The following PCDHA3 variants were observed in gnomAD, a reference collection of about 807,000 sequenced individuals.
The protein encoded by PCDHA3 is protocadherin alpha-3.
Under a neutral mutation model 62.2 loss-of-function variants are expected in PCDHA3, and 41 were observed. The ratio of observed to expected loss-of-function variants is 0.66; its 90% CI spans 0.51 to 0.86. The LOEUF (loss-of-function observed/expected upper bound fraction) is 0.86, where lower values mean the gene tolerates loss of function less well. Among genes scored for constraint, PCDHA3 ranks in the 40% least tolerant of loss-of-function variants. The pLI is 0.00. For missense variants in PCDHA3, 1,304 were observed against 1,241.2 expected (o/e 1.05, Z -0.76); for synonymous variants, 640 against 555.4 (o/e 1.15, Z -2.14).
intron 1 of PCDHA3, chr5:140,848,587 T>C (rs2150413508): frequency 6.3e-7 from 1 of 1,594,838 alleles, no homozygotes; most frequent in Non-Finnish European, 8.6e-7. Flanking sequence ...AGCGGCCAGC[T>C]CCACTACTCC....
intron 3 of PCDHA3, among the ~76,000 whole-genome samples, chr5:140,986,365 C>T (rs530102099): frequency 2.0e-5 from 3 of 152,194 alleles, no homozygotes; most frequent in Non-Finnish European, 2.9e-5. Flanking sequence ...TGGAGGAATG[C>T]GTTTTGGGGG....
chr5:141,009,584 A>G, intron 3 of PCDHA3, 43 bp from the exon 4 acceptor site: 1 of 1,592,004 alleles, frequency 6.3e-7, no homozygotes, highest in Non-Finnish European at 8.6e-7. Context: ...CATCAAGAGC[A>G]TGTGTTGACC....
intron 1 of PCDHA3, among the ~76,000 whole-genome samples, chr5:140,871,921 A>G (rs1267841761): frequency 6.6e-6 from 1 of 152,296 alleles, no homozygotes; most frequent in African/African-American, 2.4e-5. Flanking sequence ...ATATTTCCAC[A>G]TTGTTAGATC....
intron 1 of PCDHA3, among the ~76,000 whole-genome samples, chr5:140,910,365 A>G (rs1554194228): frequency 6.6e-6 from 1 of 152,164 alleles, no homozygotes; most frequent in Non-Finnish European, 1.5e-5. Flanking sequence ...TATGGTAGCT[A>G]TGCCCACCTT....
At chr5:140,863,157 C>A (rs782159779) in intron 1 of PCDHA3, 7 of 638,840 alleles carry the variant, frequency 1.1e-5, no homozygotes, top group South Asian at 5.4e-5. Flanking sequence ...AGGACCACTG[C>A]GAGCTGGCGC....
At chr5:140,993,023 G>C (rs2097537603) in intron 3 of PCDHA3, among the ~76,000 whole-genome samples, 1 of 152,146 alleles carries the variant, frequency 6.6e-6, no homozygotes. Flanking sequence ...AGCATCCCCT[G>C]TGGGCTCCGT....
At chr5:140,843,797 TC>T (rs2150366805) in intron 1 of PCDHA3, 1 of 1,359,254 alleles carries the variant, frequency 7.4e-7, no homozygotes, top group South Asian at 1.4e-5. Flanking sequence ...ATTTAGTTTT[TC>T]ACCGTATTTT....
At chr5:140,823,016 G>A (rs2150121334) in intron 1 of PCDHA3, 8 of 1,614,216 alleles carry the variant, frequency 5.0e-6, no homozygotes, top group East Asian at 2.2e-5. Context: ...GCCCTGGACC[G>A]CGAGAGCGTG....
At chr5:140,930,711 C>G (rs10214249) in intron 1 of PCDHA3, among the ~76,000 whole-genome samples, 2,020 of 152,280 alleles carry the variant, frequency 0.013, 38 homozygotes, top group African/African-American at 0.046. Flanking sequence ...TATTCTTCCT[C>G]AAGTAATGAT....
chr5:140,843,339 G>A (rs2150357830), intron 1 of PCDHA3: 2 of 1,596,042 alleles, frequency 1.3e-6, no homozygotes, highest in Admixed American at 1.7e-5. Flanking sequence ...GTGGAGAGCG[G>A]CCAGGCTCCA....
intron 1 of PCDHA3, chr5:140,876,955 G>T (rs782751017): frequency 1.3e-5 from 21 of 1,613,390 alleles, no homozygotes; most frequent in Non-Finnish European, 1.7e-5. Context: ...CTACTCGCTG[G>T]TGGAGCGGCG....
Position 140,850,172 on chromosome 5 carries a change from C to T in PCDHA3, c.2394+46581C>T, listed in dbSNP as rs2150470572. The T allele has an allele frequency of 5.0e-6, 8 of 1,594,262 alleles. 1 individual carries two copies. In the Admixed American group the frequency reaches 6.7e-5, roughly 13 times the overall value. On this transcript the variant is annotated intron_variant, in intron 1 of 3. Coordinates refer to ENST00000522353, the MANE Select transcript of PCDHA3 (RefSeq NM_018906.3). The stretch of plus-strand genomic sequence containing the variant: ...TGCAGGTGTTCGTGCTGGACGAGAA[C>T]GACAATGCGCCGGCGCTGCTGACAC...
chr5:141,009,720 C>G lies in PCDHA3; in HGVS notation c.2636C>G (p.Ser879Cys), dbSNP rs782119637. ...FKYGPGNPKQ[S>C]GPGELPDKFI... ...TACGGACCAGGCAACCCCAAACAAT[C>G]CGGTCCCGGTGAGTTGCCCGACAAA... The change falls in exon 4 of 4, where the codon TCC (serine) becomes TGC (cysteine). Residue 879 changes from serine to cysteine, a missense_variant. Transcript: ENST00000522353. 1 of 1,614,180 alleles carries G rather than the reference C, an allele frequency of 6.2e-7. No individual in the cohort carries two copies. The highest frequency in any genetic ancestry group is 2.2e-5 in the East Asian group (1 of 44,872).
chr5:140,883,508 G>C (rs939760233), intron 1 of PCDHA3: 19 of 1,614,202 alleles, frequency 1.2e-5, no homozygotes, highest in Non-Finnish European at 1.5e-5. Flanking sequence ...CAGCGCCCTG[G>C]ACCGCGAGAG....
chr5:140,999,015 C>G (rs2097843117), intron 3 of PCDHA3, among the ~76,000 whole-genome samples: 1 of 152,280 alleles, frequency 6.6e-6, no homozygotes, highest in East Asian at 1.9e-4. Context: ...GATTTGAACC[C>G]AAGACTTTTG....
In PCDHA3 at chr5:140,882,793, C is replaced by A. The variant is rs1176435531; in HGVS notation, c.2394+79202C>A. 2.5e-6 allele frequency: 4 copies of A among 1,614,092 alleles called. No individual in the cohort carries two copies. In the Admixed American group the frequency reaches 6.7e-5, roughly 27 times the overall value. On this transcript the variant is annotated intron_variant, in intron 1 of 3. Coordinates refer to ENST00000522353, the MANE Select transcript of PCDHA3 (RefSeq NM_018906.3). ...CATTGACCTACCGACTGGATCCCAA[C>A]GATTATTTCACTTTGGACGCACAAA... is the stretch of plus-strand genomic sequence containing the variant.
chr5:140,820,098 A>G (rs1554127792), intron 1 of PCDHA3, among the ~76,000 whole-genome samples: 1 of 151,998 alleles, frequency 6.6e-6, no homozygotes, highest in Non-Finnish European at 1.5e-5. Flanking sequence ...AATATTTATT[A>G]TCATTTTCTT....
intron 1 of PCDHA3, among the ~76,000 whole-genome samples, chr5:140,949,802 A>G (rs974562597): frequency 1.3e-5 from 2 of 151,818 alleles, no homozygotes; most frequent in Admixed American, 6.6e-5. Flanking sequence ...CCTTCAATAC[A>G]TTATTTGCTT....
intron 1 of PCDHA3, chr5:140,856,933 C>T: frequency 5.0e-6 from 8 of 1,593,874 alleles, no homozygotes; most frequent in Non-Finnish European, 6.0e-6. Flanking sequence ...TTTGGATAAA[C>T]GAAAGGACGG....
Sources: allele counts gnomAD v4.1 joint callset (sites outside exome capture counted in the v4.1 genomes callset), GRCh38; gene constraint gnomAD v4.1.1; transcripts MANE v1.5; gene names NCBI Gene and HGNC (gene_info 2026-07-23, HGNC 2026-07-21).